Variants in PIK3C2G observed in about 807,000 individuals in gnomAD.
PIK3C2G encodes phosphatidylinositol 3-kinase C2 domain-containing subunit gamma.
Under a neutral mutation model 181.1 loss-of-function variants are expected in PIK3C2G, and 168 were observed. The ratio of observed to expected loss-of-function variants is 0.93; its 90% CI spans 0.82 to 1.05. The LOEUF is 1.05. Ranked by LOEUF, PIK3C2G falls within the 50% of genes least tolerant of loss-of-function variation. The pLI is 0.00. For missense variants in PIK3C2G, 1,869 were observed against 1,732.8 expected (o/e 1.08, Z -1.40); for synonymous variants, 573 against 592.2 (o/e 0.97, Z 0.47).
chr12:18,676,726 C>T, the PIK3C2G span, among the ~76,000 whole-genome samples: 1 of 152,032 alleles, frequency 6.6e-6, no homozygotes. Context: ...TTAACTATTC[C>T]TGTTGTCTTA....
chr12:18,377,526 AG>A, intron 13 of PIK3C2G, among the ~76,000 whole-genome samples: 1 of 152,240 alleles, frequency 6.6e-6, no homozygotes, highest in East Asian at 1.9e-4. Context: ...ATCTTTCTGA[AG>A]TTCACCCTCA....
intron 18 of PIK3C2G, among the ~76,000 whole-genome samples, chr12:18,424,253 A>C (rs987328275): frequency 1.3e-5 from 2 of 152,222 alleles, no homozygotes; most frequent in Non-Finnish European, 2.9e-5. Flanking sequence ...ACTGTTAATC[A>C]GGAAGTTAAA....
chr12:18,684,571 T>A, the PIK3C2G span, among the ~76,000 whole-genome samples: 1 of 152,024 alleles, frequency 6.6e-6, no homozygotes, highest in Non-Finnish European at 1.5e-5. Flanking sequence ...CATAATTTCC[T>A]AAGGTTTCAC....
At chr12:18,520,978 T>C (rs1033434387) in intron 24 of PIK3C2G, among the ~76,000 whole-genome samples, 7 of 152,168 alleles carry the variant, frequency 4.6e-5, no homozygotes. Flanking sequence ...TGTTTGTTTT[T>C]TTTCTTTTAA....
At chr12:18,717,136 T>C in the PIK3C2G span, among the ~76,000 whole-genome samples, 4 of 152,166 alleles carry the variant, frequency 2.6e-5, no homozygotes, top group African/African-American at 9.6e-5. Flanking sequence ...CAATTAAATT[T>C]AAGTGTAAAT....
At chr12:18,314,101 T>G (rs1335657796) in intron 6 of PIK3C2G, 37 bp downstream of exon 6, 1 of 1,086,926 alleles carries the variant, frequency 9.2e-7, no homozygotes, top group Non-Finnish European at 1.4e-6. Context: ...ATTGGCAAAC[T>G]GACAGTTTTA....
chr12:18,620,523 C>CAGAT (rs1477702222), intron 31 of PIK3C2G, among the ~76,000 whole-genome samples: 4 of 128,028 alleles, frequency 3.1e-5, no homozygotes, highest in South Asian at 2.6e-4. Flanking sequence ...AATGATTAGA[C>CAGAT]AGACAGATAG....
chr12:18,339,343 T>A (rs894332069), intron 9 of PIK3C2G, among the ~76,000 whole-genome samples: 1 of 152,146 alleles, frequency 6.6e-6, no homozygotes, highest in East Asian at 1.9e-4. Context: ...TTAATTTTTA[T>A]TTTATCTCAA....
the PIK3C2G span, among the ~76,000 whole-genome samples, chr12:18,717,888 C>T: frequency 6.6e-6 from 1 of 152,072 alleles, no homozygotes; most frequent in African/African-American, 2.4e-5. Context: ...AATCGCATTT[C>T]GAATTTTGAA....
intron 13 of PIK3C2G, among the ~76,000 whole-genome samples, chr12:18,376,888 C>T (rs1942482988): frequency 6.6e-6 from 1 of 152,144 alleles, no homozygotes; most frequent in South Asian, 2.1e-4. Context: ...TTCCTAAGGC[C>T]TCCCAAAAAG....
intron 16 of PIK3C2G, among the ~76,000 whole-genome samples, chr12:18,410,444 G>T (rs1482419173): frequency 4.6e-5 from 7 of 150,862 alleles, no homozygotes; most frequent in Middle Eastern, 6.8e-3. Context: ...GGTGGAGGTT[G>T]CAGTGAGCCA....
chr12:18,463,694 C>T (rs1948041692), intron 18 of PIK3C2G, among the ~76,000 whole-genome samples: 1 of 152,156 alleles, frequency 6.6e-6, no homozygotes, highest in Non-Finnish European at 1.5e-5. Flanking sequence ...TGTAATCACA[C>T]AGCATAGAAT....
intron 17 of PIK3C2G, among the ~76,000 whole-genome samples, chr12:18,421,810 G>C (rs1195142336): frequency 6.6e-6 from 1 of 151,278 alleles, no homozygotes; most frequent in Non-Finnish European, 1.5e-5. Flanking sequence ...TTGAATGTCA[G>C]TTGCCTCAGG....
At chr12:18,674,703 G>A in the PIK3C2G span, among the ~76,000 whole-genome samples, 2 of 152,166 alleles carry the variant, frequency 1.3e-5, no homozygotes, top group South Asian at 2.1e-4. Context: ...TCCACTGCTT[G>A]AAGCTAGGCT....
chr12:18,273,799 A>C (rs1358795279), intron 1 of PIK3C2G, among the ~76,000 whole-genome samples: 2 of 152,098 alleles, frequency 1.3e-5, no homozygotes, highest in East Asian at 1.9e-4. Context: ...CCAAAATTGA[A>C]AAATGGGATC....
chr12:18,334,400 G>A (rs1938310181), intron 8 of PIK3C2G, among the ~76,000 whole-genome samples: 2 of 152,048 alleles, frequency 1.3e-5, no homozygotes, highest in Admixed American at 6.6e-5. Flanking sequence ...CTTTTTACCT[G>A]AAAGACCATC....
chr12:18,468,949 A>G (rs1403889272), intron 18 of PIK3C2G, among the ~76,000 whole-genome samples: 1 of 152,102 alleles, frequency 6.6e-6, no homozygotes, highest in South Asian at 2.1e-4. Flanking sequence ...GCACAAAACA[A>G]GCCAATGACT....
chr12:18,412,515 T>C (rs975437889), intron 16 of PIK3C2G, among the ~76,000 whole-genome samples: 1 of 152,102 alleles, frequency 6.6e-6, no homozygotes, highest in East Asian at 1.9e-4. Flanking sequence ...AAGCCACATA[T>C]TAAAGAGACT....
chr12:18,483,826 A>G (rs1385760721), intron 18 of PIK3C2G, among the ~76,000 whole-genome samples: 1 of 152,194 alleles, frequency 6.6e-6, no homozygotes, highest in Non-Finnish European at 1.5e-5. Flanking sequence ...TCAGTAGCTT[A>G]TGGCAACAAA....
Sources: gnomAD v4.1 joint callset for allele counts (sites outside exome capture counted in the v4.1 genomes callset) on GRCh38, gnomAD v4.1.1 for gene constraint, MANE v1.5 for transcripts, NCBI Gene and HGNC (gene_info 2026-07-23, HGNC 2026-07-21) for gene names.